Variants in FRMD4A observed in about 807,000 individuals in gnomAD.
FRMD4A encodes FERM domain containing 4A.
FRMD4A carries 29 observed loss-of-function variants against 129.1 expected under a neutral mutation model. That is an observed-to-expected ratio of 0.22 (90% CI 0.17 to 0.31). The LOEUF (loss-of-function observed/expected upper bound fraction) is 0.31. Ranked by LOEUF, FRMD4A falls within the 10% of genes least tolerant of loss-of-function variation. FRMD4A has a pLI of 1.00. For missense variants in FRMD4A, 1,272 were observed against 1,375.8 expected (o/e 0.92, Z 1.19); for synonymous variants, 634 against 571.6 (o/e 1.11, Z -1.56).
chr10:13,710,943 G>A (rs2087955833), intron 12 of FRMD4A, among the ~76,000 whole-genome samples: 1 of 152,182 alleles, frequency 6.6e-6, no homozygotes, highest in African/African-American at 2.4e-5. Context: ...GAACCCGGGA[G>A]GCAGAGGTTG....
At chr10:14,223,292 C>T (rs2131975362) in intron 2 of FRMD4A, among the ~76,000 whole-genome samples, 1 of 152,342 alleles carries the variant, frequency 6.6e-6, no homozygotes, top group African/African-American at 2.4e-5. Flanking sequence ...TGTTCCCTCA[C>T]TGTGTGAGCA....
chr10:13,856,761 C>G (rs1427348126), intron 3 of FRMD4A, among the ~76,000 whole-genome samples: 1 of 152,206 alleles, frequency 6.6e-6, no homozygotes, highest in Non-Finnish European at 1.5e-5. Flanking sequence ...TTGAGGACAA[C>G]TGTTCCCAAA....
intron 16 of FRMD4A, among the ~76,000 whole-genome samples, chr10:13,671,719 C>A (rs1457965419): frequency 6.6e-6 from 1 of 152,212 alleles, no homozygotes; most frequent in East Asian, 1.9e-4. Flanking sequence ...GAGTCAGTGG[C>A]TGCCCCACAC....
chr10:14,260,274 G>A (rs943573472), intron 2 of FRMD4A, among the ~76,000 whole-genome samples: 1 of 152,138 alleles, frequency 6.6e-6, no homozygotes, highest in Non-Finnish European at 1.5e-5. Flanking sequence ...AGGAATTGGA[G>A]TTTGGCATGA....
At chr10:13,866,712 C>T (rs187403288) in intron 2 of FRMD4A, among the ~76,000 whole-genome samples, 2 of 152,300 alleles carry the variant, frequency 1.3e-5, no homozygotes, top group Admixed American at 6.5e-5. Context: ...GTAATCCCAG[C>T]GCTTTGGGAG....
Position 13,740,580 on chromosome 10 carries a change from G to A in FRMD4A, c.549-3C>T. The A allele has an allele frequency of 1.3e-6, 2 of 1,513,484 alleles. No individual in the cohort carries two copies. Among genetic ancestry groups the A allele is most frequent in the Admixed American group, 3.6e-5 (2 of 55,086 alleles). 93.8% of individuals were successfully genotyped at this position (1,513,484 alleles called of 1,614,324 possible). On this transcript the variant is annotated splice_region_variant and splice_polypyrimidine_tract_variant and intron_variant, in intron 9 of 24. Coordinates refer to ENST00000357447, the MANE Select transcript of FRMD4A (RefSeq NM_018027.5). Reference sequence around the variant, plus strand: ...AGTGCTCAATGACTCTGTCTTCACTGTAATTAGAAGAAAAGAATGCTGTTG... The same window carrying A: ...AGTGCTCAATGACTCTGTCTTCACTATAATTAGAAGAAAAGAATGCTGTTG...
At chr10:14,085,695 A>T (rs915014805) in intron 2 of FRMD4A, among the ~76,000 whole-genome samples, 26 of 152,050 alleles carry the variant, frequency 1.7e-4, no homozygotes, top group African/African-American at 6.0e-4. Flanking sequence ...TCCCATCTTC[A>T]TTTGCGCTCG....
At chr10:14,321,228 G>C (rs1375468481) in intron 2 of FRMD4A, among the ~76,000 whole-genome samples, 1 of 151,844 alleles carries the variant, frequency 6.6e-6, no homozygotes, top group Non-Finnish European at 1.5e-5. Context: ...ATAAAGTATA[G>C]AGAAATACTC....
At chr10:14,115,790 A>G (rs931316459) in intron 2 of FRMD4A, among the ~76,000 whole-genome samples, 1 of 152,198 alleles carries the variant, frequency 6.6e-6, no homozygotes, top group Non-Finnish European at 1.5e-5. Context: ...CCAGAAGCAG[A>G]TGCCAGTGCC....
At position 14,128,054 on chromosome 10, in the gene FRMD4A, T is replaced by TTCTTTCTTTCTC. The variant is rs1166903219; in HGVS notation, c.45+202003_45+202004insGAGAAAGAAAGA. ...TTCCTTCCTTTCTTTCCCTCTTTCT[T>TTCTTTCTTTCTC]TCTTTCTTTCTTTCTTTCTTTCTTT... On this transcript the variant is annotated intron_variant, in intron 2 of 24. Transcript: ENST00000357447. Among the ~76,000 whole-genome samples, 115 of 27,398 alleles carry TTCTTTCTTTCTC rather than the reference T, an allele frequency of 4.2e-3. 8 individuals are homozygous for TTCTTTCTTTCTC. Among genetic ancestry groups the TTCTTTCTTTCTC allele is most frequent in the African/African-American group, 0.017 (109 of 6,410 alleles). The allele number at this position is 27,398 out of a possible 152,430, so 18.0% of individuals were successfully genotyped here. A position where few individuals can be genotyped will look rare whatever the true frequency, so the allele number is the denominator to read the frequency against.
intron 2 of FRMD4A, among the ~76,000 whole-genome samples, chr10:13,950,421 C>T (rs972353187): frequency 2.6e-5 from 4 of 151,720 alleles, no homozygotes; most frequent in African/African-American, 7.3e-5. Context: ...GTTGATCTAG[C>T]GCTGGAGGGG....
chr10:13,972,024 C>A (rs2095521599), intron 2 of FRMD4A: 1 of 1,170,908 alleles, frequency 8.5e-7, no homozygotes, highest in African/African-American at 1.6e-5. Flanking sequence ...GCAAAAGGCT[C>A]TTAACTCCCT....
intron 2 of FRMD4A, among the ~76,000 whole-genome samples, chr10:14,104,290 C>T (rs1837467311): frequency 6.6e-6 from 1 of 152,034 alleles, no homozygotes; most frequent in Non-Finnish European, 1.5e-5. Context: ...TCTACACTGC[C>T]ATCGACGTTA....
At chr10:14,304,258 C>T (rs1173269928) in intron 2 of FRMD4A, among the ~76,000 whole-genome samples, 3 of 152,196 alleles carry the variant, frequency 2.0e-5, no homozygotes, top group East Asian at 1.9e-4. Context: ...ACCAACAGTG[C>T]GCAAGAGCTC....
At chr10:14,295,688 G>A (rs1309836351) in intron 2 of FRMD4A, among the ~76,000 whole-genome samples, 1 of 152,166 alleles carries the variant, frequency 6.6e-6, no homozygotes, top group Non-Finnish European at 1.5e-5. Flanking sequence ...ATGGGCTGTG[G>A]GTGGCTGGCT....
chr10:14,066,115 A>G (rs1195862755), intron 2 of FRMD4A, among the ~76,000 whole-genome samples: 1 of 150,936 alleles, frequency 6.6e-6, no homozygotes, highest in Non-Finnish European at 1.5e-5. Flanking sequence ...TTGGACGTGA[A>G]ATATAATAGC....
In FRMD4A at chr10:13,732,351, A is replaced by T. The variant is rs370165146; in HGVS notation, c.759+5493T>A. Among the ~76,000 whole-genome samples, 55 of 152,138 alleles carry T rather than the reference A, an allele frequency of 3.6e-4. No homozygotes were observed. The East Asian group carries it at 7.7e-3, about 21-fold the overall frequency. On this transcript the variant is annotated intron_variant, in intron 12 of 24. Coordinates refer to ENST00000357447, the MANE Select transcript of FRMD4A (RefSeq NM_018027.5). ...TTTTTGTGGGGATGAGGGGTAGGTC[A>T]TATGGAAACACTTAAGTGGATTCTC...
At chr10:14,052,255 T>G (rs4748085) in intron 2 of FRMD4A, among the ~76,000 whole-genome samples, 72,629 of 152,072 alleles carry the variant, frequency 0.48, 17,983 homozygotes, top group Middle Eastern at 0.58. Flanking sequence ...TGTGAAAGAA[T>G]AAATTTCTGT....
chr10:13,846,751 G>A (rs2094053182), intron 3 of FRMD4A, among the ~76,000 whole-genome samples: 2 of 152,214 alleles, frequency 1.3e-5, no homozygotes, highest in Non-Finnish European at 1.5e-5. Flanking sequence ...TCATATCATG[G>A]AGGAACTCGA....
Sources: gnomAD v4.1 joint callset for allele counts (sites outside exome capture counted in the v4.1 genomes callset) on GRCh38, gnomAD v4.1.1 for gene constraint, MANE v1.5 for transcripts, NCBI Gene and HGNC (gene_info 2026-07-23, HGNC 2026-07-21) for gene names.